Variants in SPX observed in about 807,000 individuals in gnomAD.
The protein encoded by SPX is spexin hormone.
In SPX, 22 loss-of-function variants were observed where a neutral mutation model predicts 19.2. That is an observed-to-expected ratio of 1.15 (90% confidence interval 0.82 to 1.64). The LOEUF (loss-of-function observed/expected upper bound fraction) is 1.64. Among genes scored for constraint, SPX ranks in the 40% most tolerant of loss-of-function variants. The pLI is 0.00. For missense variants in SPX, 143 were observed against 137.7 expected, an observed-to-expected ratio of 1.04 and a Z score of -0.19; for synonymous variants, 50 against 53.3, an observed-to-expected ratio of 0.94 and a Z score of 0.27.
chr12:21,528,661 G>C (rs748492848), intron 4 of SPX, among the ~76,000 whole-genome samples: 1 of 152,114 alleles, frequency 6.6e-6, no homozygotes, highest in Non-Finnish European at 1.5e-5. Context: ...TTTCAACTTA[G>C]ATTTGAAATA....
intron 5 of SPX, among the ~76,000 whole-genome samples, chr12:21,529,923 G>C (rs368280043): frequency 6.6e-6 from 1 of 152,160 alleles, no homozygotes; most frequent in African/African-American, 2.4e-5. Context: ...TGATAGTGAC[G>C]TTTTAGATTT....
chr12:21,527,322 A>C, intron 3 of SPX, 130 bp downstream of exon 3: 1 of 890,728 alleles, frequency 1.1e-6, no homozygotes, highest in Non-Finnish European at 1.8e-6. Flanking sequence ...GCCATCAAAG[A>C]GACCGGTAGG....
intron 1 of SPX, 29 bp from the exon 2 acceptor site, chr12:21,526,857 G>C: frequency 2.5e-6 from 4 of 1,601,864 alleles, no homozygotes; most frequent in Non-Finnish European, 3.4e-6. Context: ...GCACAGAAAT[G>C]ACCCTTTCTG....
chr12:21,527,111 C>T, intron 2 of SPX, 24 bp from the exon 3 acceptor site: 1 of 1,612,032 alleles, frequency 6.2e-7, no homozygotes, highest in Non-Finnish European at 8.5e-7. Context: ...TTATTAACTG[C>T]TCTTCCCTTC....
intron 5 of SPX, among the ~76,000 whole-genome samples, chr12:21,530,712 C>T (rs1190665272): frequency 1.3e-5 from 2 of 152,152 alleles, no homozygotes; most frequent in Non-Finnish European, 2.9e-5. Context: ...AATAAAAGAA[C>T]ATTTGCAAAT....
chr12:21,529,603 G>A (rs1397893673), intron 5 of SPX, among the ~76,000 whole-genome samples: 1 of 152,088 alleles, frequency 6.6e-6, no homozygotes, highest in East Asian at 1.9e-4. Context: ...AGAACTCAGG[G>A]GACATTAAAC....
intron 4 of SPX, 173 bp downstream of exon 4, chr12:21,527,962 G>C (rs1282329657): frequency 6.2e-6 from 4 of 644,664 alleles, no homozygotes; most frequent in Middle Eastern, 9.2e-4. Context: ...GGCAGCAGCA[G>C]CAGCTGGATG....
intron 1 of SPX, 102 bp downstream of exon 1, chr12:21,526,580 G>C: frequency 8.3e-7 from 1 of 1,201,410 alleles, no homozygotes; most frequent in South Asian, 1.5e-5. Flanking sequence ...AGAGTTTAAA[G>C]GATATTTGAA....
intron 3 of SPX, 76 bp from the exon 4 acceptor site, chr12:21,527,651 G>C: frequency 7.0e-7 from 1 of 1,428,446 alleles, no homozygotes; most frequent in Non-Finnish European, 9.7e-7. Context: ...ACTGCGCTGT[G>C]CCGGGAGGAG....
intron 1 of SPX, among the ~76,000 whole-genome samples, 165 bp from the exon 2 acceptor site, chr12:21,526,721 T>C (rs1943817949): frequency 1.1e-5 from 1 of 93,616 alleles, no homozygotes; most frequent in Non-Finnish European, 2.1e-5. Context: ...GTGGACTCTT[T>C]GTGAATTAAC....
chr12:21,527,850 A>G, intron 4 of SPX, 61 bp downstream of exon 4: 2 of 1,519,176 alleles, frequency 1.3e-6, no homozygotes, highest in South Asian at 1.2e-5. Flanking sequence ...TGGGGCGGGC[A>G]GGGCTTGCTC....
At chr12:21,527,275 G>T in intron 3 of SPX, 83 bp downstream of exon 3, 2 of 1,365,282 alleles carry the variant, frequency 1.5e-6, no homozygotes, top group Non-Finnish European at 2.1e-6. Context: ...GTTATGGAGA[G>T]AGAATAATGT....
chr12:21,528,903 C>T, intron 4 of SPX, 98 bp from the exon 5 acceptor site: 1 of 1,091,462 alleles, frequency 9.2e-7, no homozygotes. Flanking sequence ...AAATCTATTT[C>T]ATAGAGGTTT....
chr12:21,527,352 G>T, intron 3 of SPX, 160 bp downstream of exon 3: 1 of 680,358 alleles, frequency 1.5e-6, no homozygotes, highest in East Asian at 2.7e-5. Flanking sequence ...GGTGGGAGAG[G>T]GGAAGAGTCC....
chr12:21,529,034 T>C lies in SPX; in HGVS notation c.242T>C (p.Ile81Thr). ...RRSPNPQLLT[I>T]PEAATILLAS... is the part of the protein sequence containing the mutation. ...AGCCCAAATCCCCAACTACTAACTA[T>C]TCCGGAGGCAGCAACCATCTTACTG... The change falls in exon 5 of 6, where the codon ATT becomes ACT. Residue 81 changes from isoleucine to threonine, a missense_variant. By Grantham distance (89) the Ile-to-Thr change is moderately conservative (BLOSUM62 -1). Transcript: ENST00000256969. The C allele has an allele frequency of 6.2e-7, 1 of 1,614,180 alleles. No homozygotes were observed. The highest frequency in any genetic ancestry group is 8.5e-7 in the Non-Finnish European group (1 of 1,180,016).
chr12:21,526,524 A>T (rs1432470053), intron 1 of SPX, 46 bp downstream of exon 1: 2 of 1,562,242 alleles, frequency 1.3e-6, no homozygotes, highest in African/African-American at 2.7e-5. Flanking sequence ...CTATTTTTTA[A>T]AACGTTTTAT....
intron 3 of SPX, chr12:21,527,438 TG>T (rs1009666691): frequency 1.0e-4 from 61 of 599,330 alleles, no homozygotes; most frequent in African/African-American, 6.3e-4. Context: ...TTGGTCCAAA[TG>T]GGGACTCGGG....
Position 21,527,757 on chromosome 12 carries a change from G to A in SPX, c.176G>A (p.Arg59Gln). The change falls in exon 4 of 6, where the codon CGG becomes CAG. Residue 59 changes from arginine to glutamine, a missense_variant. Coordinates refer to ENST00000256969, the MANE Select transcript of SPX (RefSeq NM_030572.4). Reference sequence around the variant, plus strand: ...CGCCGCTTCATCTCCGACCAGAGCCGGAGAAAGGACCTCTCCGACCGGCCA... The same window carrying A: ...CGCCGCTTCATCTCCGACCAGAGCCAGAGAAAGGACCTCTCCGACCGGCCA... ...QGRRFISDQSRRKDLSDRPLP... is the reference protein window; with the variant it reads ...QGRRFISDQSQRKDLSDRPLP... 1 of 1,572,438 alleles carries A rather than the reference G, an allele frequency of 6.4e-7. No homozygotes were observed. Among genetic ancestry groups the A allele is most frequent in the Non-Finnish European group, 8.6e-7 (1 of 1,158,590 alleles).
chr12:21,526,544 C>A lies in SPX; in HGVS notation c.6+66C>A, dbSNP rs949263091. 28 of 1,440,016 alleles carry A rather than the reference C, an allele frequency of 1.9e-5. No homozygotes were observed. The South Asian group carries it at 2.2e-4, about 11-fold the overall frequency. 89.2% of individuals were successfully genotyped at this position (1,440,016 alleles called of 1,614,324 possible). A position where few individuals can be genotyped will look rare whatever the true frequency, so the allele number is the denominator to read the frequency against. ...TTTTAAAACGTTTTATAGCATTTTACCTATTTCATGTTTAATAAGGATTTT... is the reference window on the plus strand; with the variant it reads ...TTTTAAAACGTTTTATAGCATTTTAACTATTTCATGTTTAATAAGGATTTT... On this transcript the variant is annotated intron_variant, in intron 1 of 5. Coordinates refer to ENST00000256969, the MANE Select transcript of SPX (RefSeq NM_030572.4).
Sources: gnomAD v4.1 joint callset for allele counts (sites outside exome capture counted in the v4.1 genomes callset) on GRCh38, gnomAD v4.1.1 for gene constraint, MANE v1.5 for transcripts, NCBI Gene and HGNC (gene_info 2026-07-23, HGNC 2026-07-21) for gene names.